Variants in TRIM11 observed in about 807,000 individuals in gnomAD.
TRIM11 encodes the protein tripartite motif containing 11.
A neutral mutation model predicts 33.4 loss-of-function variants in TRIM11; 15 were observed. The observed-to-expected ratio is 0.45, with a 90% CI of 0.30 to 0.69. The LOEUF is 0.69. Among genes scored for constraint, TRIM11 ranks in the 30% least tolerant of loss-of-function variants. TRIM11 has a pLI of 0.08. For missense variants in TRIM11, 499 were observed against 667.6 expected (o/e 0.75, Z 2.78); for synonymous variants, 281 against 302.6 (o/e 0.93, Z 0.74).
rs553003424 is a variant in TRIM11, at chr1:228,403,318, G to A, written c.409-1157C>T. ...CGCTCTGGAAGGATGGAGGTGCTGG[G>A]AGGGTCCAGAAGTCTGCCCCGGTAG... On this transcript the variant is annotated intron_variant, in intron 1 of 5. Transcript: ENST00000284551. This position sits in a 1 kb window ranked among gnomAD's most constrained non-coding sequence, Gnocchi z 4.8. 1 of 152,440 alleles carries A rather than the reference G, an allele frequency of 6.6e-6. No individual in the cohort carries two copies. Among genetic ancestry groups the A allele is most frequent in the East Asian group, 1.9e-4 (1 of 5,176 alleles). 9.4% of individuals were successfully genotyped at this position (152,440 alleles called of 1,614,324 possible).
In TRIM11 at chr1:228,403,999, CA is replaced by C. The variant is rs1336404362; in HGVS notation, c.409-1839del. On this transcript the variant is annotated intron_variant, in intron 1 of 5. Coordinates refer to ENST00000284551, the MANE Select transcript of TRIM11 (RefSeq NM_145214.3). The surrounding 1 kb of genome is among the most constrained non-coding windows in gnomAD (Gnocchi z 4.8). ...ACTAAGGTTACAAACAGCATTTGATCAGATGGAATGGGCTGTAAAGCAGCAC... is the reference window on the plus strand; with the variant it reads ...ACTAAGGTTACAAACAGCATTTGATCGATGGAATGGGCTGTAAAGCAGCAC... The C allele has an allele frequency of 6.6e-6, 1 of 152,238 alleles. No homozygotes were observed. Among genetic ancestry groups the C allele is most frequent in the Non-Finnish European group, 1.5e-5 (1 of 68,058 alleles). 9.4% of individuals were successfully genotyped at this position (152,238 alleles called of 1,614,324 possible). A position where few individuals can be genotyped will look rare whatever the true frequency, so the allele number is the denominator to read the frequency against.
Position 228,406,413 on chromosome 1 carries a change from G to C in TRIM11, c.149C>G (p.Pro50Arg). 6.3e-7 allele frequency: 1 copy of C among 1,574,964 alleles called. No homozygotes were observed. The highest frequency in any genetic ancestry group is 8.6e-7 in the Non-Finnish European group (1 of 1,166,272). The change falls in exon 1 of 6, where the codon CCG (proline) becomes CGG (arginine). Residue 50 changes from proline (P) to arginine (R), a missense_variant. By Grantham distance (103) the Pro-to-Arg change is moderately radical. Transcript: ENST00000284551. The surrounding 1 kb of genome is among the most constrained non-coding windows in gnomAD (Gnocchi z 8.2). ...IRRCWGQPEGPYACPECRELS... is the reference protein window; with the variant it reads ...IRRCWGQPEGRYACPECRELS... ...CTCGCGGCACTCGGGGCACGCGTAC[G>C]GGCCCTCGGGCTGGCCCCAGCAGCG...
intron 3 of TRIM11, 134 bp from the exon 4 acceptor site, chr1:228,397,299 G>C: frequency 9.2e-7 from 1 of 1,091,506 alleles, no homozygotes. Flanking sequence ...AACACACACA[G>C]GGGGCCATAA....
chr1:228,397,119 C>A (rs932219373), intron 4 of TRIM11, 24 bp downstream of exon 4: 2 of 1,613,900 alleles, frequency 1.2e-6, no homozygotes, highest in Non-Finnish European at 8.5e-7. Flanking sequence ...CCTGCCCCCC[C>A]TCCAGGAGAG....
chr1:228,406,536 TTGG>T lies in TRIM11; in HGVS notation c.23_25del (p.Thr8del), dbSNP rs745994310. ...GGCGCAGGTGGCCTCCTCCTGGAGG[TTGG>T]TGGACAGGTCGGGGGCGGCCATGGC... On this transcript the variant is annotated inframe_deletion, in exon 1 of 6. Coordinates refer to ENST00000284551, the MANE Select transcript of TRIM11 (RefSeq NM_145214.3). The surrounding 1 kb of genome is among the most constrained non-coding windows in gnomAD (Gnocchi z 8.2). 5 of 1,563,742 alleles carry T rather than the reference TTGG, an allele frequency of 3.2e-6. No homozygotes were observed. Among genetic ancestry groups the T allele is most frequent in the Non-Finnish European group, 4.3e-6 (5 of 1,154,206 alleles).
rs1189408483 is a variant in TRIM11, at chr1:228,395,209, G to A, written c.903C>T (p.Ile301=). The A allele has an allele frequency of 1.3e-6, 2 of 1,493,062 alleles. No individual in the cohort carries two copies. Among genetic ancestry groups the A allele is most frequent in the Admixed American group, 2.4e-5 (1 of 41,804 alleles). The allele number at this position is 1,493,062 out of a possible 1,614,324, so 92.5% of individuals were successfully genotyped here. A position where few individuals can be genotyped will look rare whatever the true frequency, so the allele number is the denominator to read the frequency against. Reference sequence around the variant, plus strand: ...GCACGCTCCGCCTGTCTTCAGACAGGATCAGCTCAGGGTTGGCGGTGTCCG... The same window carrying A: ...GCACGCTCCGCCTGTCTTCAGACAGAATCAGCTCAGGGTTGGCGGTGTCCG... ...LDPDTANPEL[I]LSEDRRSVQR... is the part of the protein sequence containing the mutation. The change falls in exon 6 of 6, where the codon ATC becomes ATT. Residue 301 remains isoleucine (I), a synonymous_variant. Transcript: ENST00000284551. This position sits in a 1 kb window ranked among gnomAD's most constrained non-coding sequence, Gnocchi z 4.8.
At chr1:228,405,873 T>C (rs1280048285) in intron 1 of TRIM11, 1 of 369,480 alleles carries the variant, frequency 2.7e-6, no homozygotes, top group South Asian at 1.3e-4. Flanking sequence ...TCTTAGCCTC[T>C]ATCTATGAGA....
chr1:228,395,809 G>T lies in TRIM11; in HGVS notation c.860-557C>A, dbSNP rs984876396. ...CTCAAAGTGCTGGGATTACAGAGGTGAGCCAATGCATCCAGTCTGTTTTTC... is the reference window on the plus strand; with the variant it reads ...CTCAAAGTGCTGGGATTACAGAGGTTAGCCAATGCATCCAGTCTGTTTTTC... On this transcript the variant is annotated intron_variant, in intron 5 of 5. Coordinates refer to ENST00000284551, the MANE Select transcript of TRIM11 (RefSeq NM_145214.3). The surrounding 1 kb of genome is among the most constrained non-coding windows in gnomAD (Gnocchi z 4.8). 1.3e-5 allele frequency: 2 copies of T among 152,364 alleles called. No homozygotes were observed. Among genetic ancestry groups the T allele is most frequent in the African/African-American group, 4.8e-5 (2 of 41,434 alleles). The allele number at this position is 152,364 out of a possible 1,614,324, so 9.4% of individuals were successfully genotyped here.
rs2074976852 is a variant in TRIM11, at chr1:228,395,481, G to A, written c.860-229C>T. 3 of 389,336 alleles carry A rather than the reference G, an allele frequency of 7.7e-6. No homozygotes were observed. Among genetic ancestry groups the A allele is most frequent in the Non-Finnish European group, 1.3e-5 (3 of 224,232 alleles). The allele number at this position is 389,336 out of a possible 1,614,324, so 24.1% of individuals were successfully genotyped here. A position where few individuals can be genotyped will look rare whatever the true frequency, so the allele number is the denominator to read the frequency against. ...TACAATGTCCTACAAATTGGTCCAT[G>A]TTTTGCCTTCAGATATCAAGAGGGA... On this transcript the variant is annotated intron_variant, in intron 5 of 5. Coordinates refer to ENST00000284551, the MANE Select transcript of TRIM11 (RefSeq NM_145214.3). The surrounding 1 kb of genome is among the most constrained non-coding windows in gnomAD (Gnocchi z 4.8).
rs942102311 is a variant in TRIM11 at position 228,401,265 on chromosome 1, C to A, written c.505-71G>T. 1.3e-6 allele frequency: 2 copies of A among 1,536,306 alleles called. No individual in the cohort carries two copies. The highest frequency in any genetic ancestry group is 1.4e-5 in the African/African-American group (1 of 72,972). ...CAGCCAGACCCCAAGTTTGGTCAGA[C>A]CCCAAGCCCACCCAGAGGCCTGGCT... On this transcript the variant is annotated intron_variant, in intron 2 of 5. Transcript: ENST00000284551. The surrounding 1 kb of genome is among the most constrained non-coding windows in gnomAD (Gnocchi z 6.1).
Position 228,400,844 on chromosome 1 carries a change from T to C in TRIM11, c.735+120A>G, listed in dbSNP as rs1656183699. On this transcript the variant is annotated intron_variant, in intron 3 of 5. Transcript: ENST00000284551. This position sits in a 1 kb window ranked among gnomAD's most constrained non-coding sequence, Gnocchi z 4.5. ...CAGCCAGGCACATCCAGCCATGCCA[T>C]TCACCTCTCAGCCCAGACAACCTCT... The C allele has an allele frequency of 4.9e-6, 7 of 1,418,302 alleles. No individual in the cohort carries two copies. The South Asian group carries it at 7.6e-5, about 15-fold the overall frequency. 87.9% of individuals were successfully genotyped at this position (1,418,302 alleles called of 1,614,324 possible).
chr1:228,401,548 C>T lies in TRIM11; in HGVS notation c.505-354G>A, dbSNP rs565910170. The stretch of plus-strand genomic sequence containing the variant: ...CCCAACTTCCAAATCCACCCATTGG[C>T]TTGGTAGAACCCTGCATCTACCACC... On this transcript the variant is annotated intron_variant, in intron 2 of 5. Transcript: ENST00000284551. The surrounding 1 kb of genome is among the most constrained non-coding windows in gnomAD (Gnocchi z 6.1). 6.6e-6 allele frequency among the ~76,000 whole-genome samples: 1 copy of T among 152,220 alleles called. No individual in the cohort carries two copies. Among genetic ancestry groups the T allele is most frequent in the Non-Finnish European group, 1.5e-5 (1 of 67,998 alleles).
intron 3 of TRIM11, chr1:228,397,418 C>T: frequency 1.9e-6 from 1 of 533,566 alleles, no homozygotes; most frequent in East Asian, 3.0e-5. Context: ...CCAAGGCCCA[C>T]TTCTGCCTGA....
rs1411147604 is a variant in TRIM11 at position 228,395,732 on chromosome 1, TC to T, written c.860-481del. On this transcript the variant is annotated intron_variant, in intron 5 of 5. Coordinates refer to ENST00000284551, the MANE Select transcript of TRIM11 (RefSeq NM_145214.3). The surrounding 1 kb of genome is among the most constrained non-coding windows in gnomAD (Gnocchi z 4.8). The stretch of plus-strand genomic sequence containing the variant: ...GTAGAGATGGGAGTCTTGCTATGTT[TC>T]CCGGGTTGGTCTTGAACTGATGGCC... 6.5e-6 allele frequency: 1 copy of T among 152,946 alleles called. No homozygotes were observed. The highest frequency in any genetic ancestry group is 1.9e-4 in the East Asian group (1 of 5,204). 9.5% of individuals were successfully genotyped at this position (152,946 alleles called of 1,614,324 possible).
chr1:228,396,645 C>T (rs774672507), intron 5 of TRIM11: 5 of 708,898 alleles, frequency 7.1e-6, no homozygotes, highest in African/African-American at 3.5e-5. Flanking sequence ...TGGGACTGAG[C>T]CCTTAATCTG....
chr1:228,396,470 C>A, intron 5 of TRIM11: 1 of 581,534 alleles, frequency 1.7e-6, no homozygotes, highest in Non-Finnish European at 3.1e-6. Flanking sequence ...TTTGGCTCTT[C>A]CTGAGTGGTA....
Position 228,401,459 on chromosome 1 carries a change from A to C in TRIM11, c.505-265T>G, listed in dbSNP as rs1172415037. 2.6e-5 allele frequency among the ~76,000 whole-genome samples: 4 copies of C among 152,168 alleles called. No homozygotes were observed. Among genetic ancestry groups the C allele is most frequent in the Admixed American group, 2.6e-4 (4 of 15,288 alleles). ...GCCAAATCCCATTCTACCACACAGG[A>C]CTGGCTAGACCCCAAATCTAAACCC... is the stretch of plus-strand genomic sequence containing the variant. On this transcript the variant is annotated intron_variant, in intron 2 of 5. Coordinates refer to ENST00000284551, the MANE Select transcript of TRIM11 (RefSeq NM_145214.3). The surrounding 1 kb of genome is among the most constrained non-coding windows in gnomAD (Gnocchi z 6.1).
rs1436553494 is a variant in TRIM11 at position 228,394,920 on chromosome 1, G to A, written c.1192C>T (p.Arg398Trp). ...ATCCCCACGCGCCTGGGTGGGTCCCGGAGTGGAGCCAAGGCCCGTTCCGAG... is the reference window on the plus strand; with the variant it reads ...ATCCCCACGCGCCTGGGTGGGTCCCAGAGTGGAGCCAAGGCCCGTTCCGAG... ...NSSERALAPL[R>W]DPPRRVGIFL... Residue 398 changes from arginine (R) to tryptophan (W), a missense_variant, in exon 6 of 6, where the codon CGG becomes TGG. Arg to Trp is a moderately radical substitution (Grantham distance 101). Coordinates refer to ENST00000284551, the MANE Select transcript of TRIM11 (RefSeq NM_145214.3). This position sits in a 1 kb window ranked among gnomAD's most constrained non-coding sequence, Gnocchi z 6.2. The A allele has an allele frequency of 2.5e-6, 4 of 1,614,016 alleles. No individual in the cohort carries two copies. Among genetic ancestry groups the A allele is most frequent in the Non-Finnish European group, 3.4e-6 (4 of 1,180,020 alleles).
chr1:228,394,950 T>C lies in TRIM11; in HGVS notation c.1162A>G (p.Asn388Asp), dbSNP rs749652053. The change falls in exon 6 of 6, where the codon AAT becomes GAT. Residue 388 changes from asparagine to aspartate, a missense_variant. By Grantham distance (23) the Asn-to-Asp change is conservative. Transcript: ENST00000284551. The surrounding 1 kb of genome is among the most constrained non-coding windows in gnomAD (Gnocchi z 6.2). ...WILVFLGSYY[N>D]SSERALAPLR... ...GGAGCCAAGGCCCGTTCCGAGGAAT[T>C]GTAATAGCTCCCCAGGAAGACCAGG... 2 of 1,613,934 alleles carry C rather than the reference T, an allele frequency of 1.2e-6. No homozygotes were observed. Among genetic ancestry groups the C allele is most frequent in the Non-Finnish European group, 8.5e-7 (1 of 1,180,006 alleles).
Sources: gnomAD v4.1 joint callset for allele counts (sites outside exome capture counted in the v4.1 genomes callset) on GRCh38, gnomAD v4.1.1 for gene constraint, Gnocchi (gnomAD v3.1) non-coding constraint, MANE v1.5 for transcripts, NCBI Gene and HGNC (gene_info 2026-07-23, HGNC 2026-07-21) for gene names.